The following GALNTL6 variants were observed in gnomAD, a reference collection of about 807,000 sequenced individuals.
GALNTL6 encodes polypeptide N-acetylgalactosaminyltransferase-like 6.
A neutral mutation model predicts 73.7 loss-of-function variants in GALNTL6; 46 were observed. That is an observed-to-expected ratio of 0.62 (90% CI 0.49 to 0.80). GALNTL6 has a LOEUF of 0.80. Among genes scored for constraint, GALNTL6 ranks in the 30% least tolerant of loss-of-function variants. GALNTL6 has a pLI of 0.00. For missense variants in GALNTL6, 604 were observed against 755.0 expected (o/e 0.80, Z 2.34); for synonymous variants, 259 against 263.7 (o/e 0.98, Z 0.17).
intron 5 of GALNTL6, among the ~76,000 whole-genome samples, chr4:172,461,014 A>G (rs1732590907): frequency 6.6e-6 from 1 of 152,228 alleles, no homozygotes; most frequent in South Asian, 2.1e-4. Context: ...TGGCCCATAT[A>G]TACCATGGAA....
intron 5 of GALNTL6, among the ~76,000 whole-genome samples, chr4:172,605,708 G>A (rs1346225009): frequency 6.6e-6 from 1 of 152,026 alleles, no homozygotes; most frequent in Non-Finnish European, 1.5e-5. Flanking sequence ...TATAAATGAT[G>A]CAGATTTTTT....
At chr4:172,168,442 T>A (rs1038098160) in intron 2 of GALNTL6, among the ~76,000 whole-genome samples, 1 of 152,188 alleles carries the variant, frequency 6.6e-6, no homozygotes, top group South Asian at 2.1e-4. Context: ...CCTTTATACA[T>A]AGATTGGCAT....
At chr4:171,974,833 T>C (rs1739673155) in intron 2 of GALNTL6, among the ~76,000 whole-genome samples, 1 of 152,222 alleles carries the variant, frequency 6.6e-6, no homozygotes, top group African/African-American at 2.4e-5. Context: ...CATTCATTCA[T>C]CATTTTTAGT....
intron 2 of GALNTL6, among the ~76,000 whole-genome samples, chr4:171,972,258 G>A (rs1210892179): frequency 6.6e-6 from 1 of 151,952 alleles, no homozygotes; most frequent in Non-Finnish European, 1.5e-5. Flanking sequence ...AACTACTAAT[G>A]TATTTTATAT....
chr4:172,005,876 A>C (rs1260236602), intron 2 of GALNTL6, among the ~76,000 whole-genome samples: 1 of 152,186 alleles, frequency 6.6e-6, no homozygotes, highest in Non-Finnish European at 1.5e-5. Context: ...CTTAGCTTAA[A>C]TAACTATTGA....
intron 5 of GALNTL6, among the ~76,000 whole-genome samples, chr4:172,373,612 T>A (rs551132549): frequency 1.3e-5 from 2 of 152,294 alleles, no homozygotes; most frequent in African/African-American, 4.8e-5. Flanking sequence ...TTTTTTGCCC[T>A]TCCAATGCAC....
At chr4:171,850,906 T>C (rs976295937) in intron 2 of GALNTL6, among the ~76,000 whole-genome samples, 1 of 152,178 alleles carries the variant, frequency 6.6e-6, no homozygotes, top group African/African-American at 2.4e-5. Flanking sequence ...TATTACTGGG[T>C]TAGTTTTAAG....
intron 4 of GALNTL6, among the ~76,000 whole-genome samples, chr4:172,323,866 C>T (rs528598641): frequency 6.6e-6 from 1 of 152,102 alleles, no homozygotes; most frequent in African/African-American, 2.4e-5. Context: ...ACCATTTTTG[C>T]TCTAGCCATG....
chr4:172,522,386 T>TAAAA (rs1161244716), intron 5 of GALNTL6, among the ~76,000 whole-genome samples: 1 of 152,128 alleles, frequency 6.6e-6, no homozygotes, highest in Non-Finnish European at 1.5e-5. Context: ...AAAAGTGTAT[T>TAAAA]TTAGGCCGGG....
At chr4:172,920,345 C>G (rs1328427509) in intron 8 of GALNTL6, among the ~76,000 whole-genome samples, 1 of 152,170 alleles carries the variant, frequency 6.6e-6, no homozygotes, top group Admixed American at 6.5e-5. Context: ...GGAAGTGTAT[C>G]TTCCCAAAGT....
chr4:172,876,354 C>T (rs77132022), intron 7 of GALNTL6, among the ~76,000 whole-genome samples: 1,560 of 152,278 alleles, frequency 0.01, 19 homozygotes, highest in Non-Finnish European at 0.014. Context: ...AATTCTGCCA[C>T]CTGCTTTTGG....
At chr4:172,659,231 C>CT (rs968370083) in intron 5 of GALNTL6, among the ~76,000 whole-genome samples, 7 of 151,310 alleles carry the variant, frequency 4.6e-5, no homozygotes, top group Non-Finnish European at 1.0e-4. Context: ...TAATTTTTTT[C>CT]TTTTTTAAAA....
intron 5 of GALNTL6, among the ~76,000 whole-genome samples, chr4:172,635,981 T>A (rs1040418683): frequency 6.6e-5 from 10 of 152,124 alleles, no homozygotes; most frequent in Admixed American, 3.3e-4. Flanking sequence ...TTGAAATAAA[T>A]TTTCAGTCCA....
At chr4:172,515,773 G>A (rs1173967302) in intron 5 of GALNTL6, among the ~76,000 whole-genome samples, 1 of 152,180 alleles carries the variant, frequency 6.6e-6, no homozygotes, top group Non-Finnish European at 1.5e-5. Context: ...TCAGCAAGGA[G>A]AGCCCTCAAA....
At position 172,804,086 on chromosome 4, in the gene GALNTL6, C is replaced by T. The variant is rs149082774; in HGVS notation, c.554-5275C>T. On this transcript the variant is annotated intron_variant, in intron 5 of 12. Coordinates refer to ENST00000506823, the MANE Select transcript of GALNTL6 (RefSeq NM_001034845.3). ...ATAGGCCTGCTAAGTAGAAAGTTATCCTTAACATTTCCACTTGCAGTCAAA... is the reference window on the plus strand; with the variant it reads ...ATAGGCCTGCTAAGTAGAAAGTTATTCTTAACATTTCCACTTGCAGTCAAA... Among the ~76,000 whole-genome samples, 1,211 of 152,218 alleles carry T rather than the reference C, an allele frequency of 8.0e-3. 9 individuals are homozygous for T. The highest frequency in any genetic ancestry group is 0.027 in the Middle Eastern group (8 of 294).
chr4:172,850,653 G>A (rs1430629030), intron 7 of GALNTL6, among the ~76,000 whole-genome samples: 1 of 152,050 alleles, frequency 6.6e-6, no homozygotes, highest in Non-Finnish European at 1.5e-5. Context: ...GAAAAGCTTA[G>A]TCCCACAAGA....
intron 5 of GALNTL6, among the ~76,000 whole-genome samples, chr4:172,630,346 T>A (rs920997371): frequency 6.6e-6 from 1 of 152,134 alleles, no homozygotes; most frequent in African/African-American, 2.4e-5. Flanking sequence ...AAAACCAAGG[T>A]CATGGTGTGG....
chr4:172,721,255 AT>A (rs1425191498), intron 5 of GALNTL6, among the ~76,000 whole-genome samples: 1 of 152,170 alleles, frequency 6.6e-6, no homozygotes, highest in Non-Finnish European at 1.5e-5. Flanking sequence ...TTTCTTTAAC[AT>A]TTATTCCACA....
chr4:172,028,311 A>G (rs1741655721), intron 2 of GALNTL6, among the ~76,000 whole-genome samples: 1 of 134,142 alleles, frequency 7.5e-6, no homozygotes, highest in Non-Finnish European at 1.7e-5. Flanking sequence ...AAAACTTCAA[A>G]AAAATATAAA....
Sources: gnomAD v4.1 joint callset for allele counts (sites outside exome capture counted in the v4.1 genomes callset) on GRCh38, gnomAD v4.1.1 for gene constraint, MANE v1.5 for transcripts, NCBI Gene and HGNC (gene_info 2026-07-23, HGNC 2026-07-21) for gene names.